Variants in PEBP4 observed in about 807,000 individuals in gnomAD.
PEBP4 encodes the protein phosphatidylethanolamine binding protein 4.
A neutral mutation model predicts 23.9 loss-of-function variants in PEBP4; 22 were observed. The ratio of observed to expected loss-of-function variants is 0.92; its 90% CI spans 0.66 to 1.31. The LOEUF (loss-of-function observed/expected upper bound fraction) is 1.31, where lower values mean the gene tolerates loss of function less well. Among genes scored for constraint, PEBP4 ranks in the 40% most tolerant of loss-of-function variants. The pLI, the probability that PEBP4 is intolerant of heterozygous loss-of-function variation, is 0.00. For missense variants in PEBP4, 324 were observed against 281.7 expected, an observed-to-expected ratio of 1.15 and a Z score of -1.07; for synonymous variants, 112 against 99.3, an observed-to-expected ratio of 1.13 and a Z score of -0.76.
chr8:22,933,658 C>A (rs939817854), intron 1 of PEBP4, among the ~76,000 whole-genome samples: 10 of 152,260 alleles, frequency 6.6e-5, no homozygotes, highest in South Asian at 2.1e-4. Context: ...CACTGCCCTG[C>A]AAGAAATGCT....
chr8:22,779,078 T>TGGGGGGGGGAAGGGGGGGGGGGGGGGGG (rs1805868673), intron 4 of PEBP4, among the ~76,000 whole-genome samples: 1 of 8,270 alleles, frequency 1.2e-4, no homozygotes, highest in South Asian at 6.0e-3. Context: ...GCGGGGGAGG[T>TGGGGGGGGGAAGGGGGGGGGGGGGGGGG]GGGGGAGGAG....
intron 3 of PEBP4, among the ~76,000 whole-genome samples, chr8:22,850,766 G>A (rs184463668): frequency 1.3e-5 from 2 of 152,344 alleles, no homozygotes; most frequent in East Asian, 3.9e-4. Flanking sequence ...TACGCAGGAA[G>A]ACTGCTGCAT....
At chr8:22,939,747 A>G (rs1313864226) in intron 1 of PEBP4, among the ~76,000 whole-genome samples, 1 of 151,866 alleles carries the variant, frequency 6.6e-6, no homozygotes, top group Non-Finnish European at 1.5e-5. Flanking sequence ...GAGTCAGGAG[A>G]GTGTCTGTGA....
At chr8:22,774,303 C>T (rs768045565) in intron 4 of PEBP4, among the ~76,000 whole-genome samples, 2 of 152,208 alleles carry the variant, frequency 1.3e-5, no homozygotes, top group African/African-American at 2.4e-5. Context: ...TCCCCATTCA[C>T]GCTAGGATGT....
chr8:22,912,117 G>T (rs970632200), intron 3 of PEBP4, among the ~76,000 whole-genome samples: 1 of 152,298 alleles, frequency 6.6e-6, no homozygotes, highest in African/African-American at 2.4e-5. Flanking sequence ...AGAAGGCCAC[G>T]AGGATAAGGA....
intron 3 of PEBP4, among the ~76,000 whole-genome samples, chr8:22,830,192 C>A (rs1029218683): frequency 6.8e-6 from 1 of 148,078 alleles, no homozygotes; most frequent in Non-Finnish European, 1.5e-5. Context: ...TGTAGTGGTG[C>A]GATTTCGGCT....
chr8:22,831,224 T>C (rs1326120709), intron 3 of PEBP4, among the ~76,000 whole-genome samples: 4 of 152,264 alleles, frequency 2.6e-5, no homozygotes, highest in Non-Finnish European at 5.9e-5. Flanking sequence ...TTCTAGATTA[T>C]GTTCCTTTGT....
rs111991348 is a variant in PEBP4 at position 22,726,263 on chromosome 8, C to T, written c.403+912G>A. Among the ~76,000 whole-genome samples, 546 of 152,304 alleles carry T rather than the reference C, an allele frequency of 3.6e-3. 5 individuals carry two copies. The highest frequency in any genetic ancestry group is 0.012 in the African/African-American group (515 of 41,574). On this transcript the variant is annotated intron_variant, in intron 5 of 6. Transcript: ENST00000256404. ...AGCACAGGTGGGTGCCAGGGAGTCT[C>T]CTCGTGTGCTTAGGTATGGAGGGCA...
chr8:22,876,276 C>T (rs561103576), intron 3 of PEBP4, among the ~76,000 whole-genome samples: 4 of 152,178 alleles, frequency 2.6e-5, no homozygotes, highest in East Asian at 1.9e-4. Flanking sequence ...ACGTACCATG[C>T]GTACAACGGT....
At chr8:22,858,210 G>A (rs999228007) in intron 3 of PEBP4, among the ~76,000 whole-genome samples, 7 of 152,044 alleles carry the variant, frequency 4.6e-5, no homozygotes, top group Admixed American at 6.5e-5. Context: ...GAAAGGAATC[G>A]TTCAGCTTCC....
At chr8:22,811,680 G>T (rs536653392) in intron 4 of PEBP4, among the ~76,000 whole-genome samples, 1 of 152,330 alleles carries the variant, frequency 6.6e-6, no homozygotes, top group East Asian at 1.9e-4. Context: ...GGTTCAGGAG[G>T]TCACAGGGGA....
chr8:22,749,326 C>T (rs1436907463), intron 4 of PEBP4, among the ~76,000 whole-genome samples: 1 of 152,180 alleles, frequency 6.6e-6, no homozygotes, highest in Non-Finnish European at 1.5e-5. Context: ...CTGTAGACCT[C>T]TCTGCAGCTC....
intron 3 of PEBP4, among the ~76,000 whole-genome samples, chr8:22,907,123 C>G (rs531253867): frequency 4.6e-5 from 7 of 152,202 alleles, no homozygotes; most frequent in South Asian, 4.1e-4. Flanking sequence ...CAGATACCAT[C>G]CTAGTGCAAA....
upstream of PEBP4, among the ~76,000 whole-genome samples, chr8:22,930,328 A>G (rs1809435249): frequency 6.6e-6 from 1 of 152,100 alleles, no homozygotes; most frequent in Non-Finnish European, 1.5e-5. Flanking sequence ...GGTCCATCAG[A>G]TTCCTGTTAT....
intron 4 of PEBP4, among the ~76,000 whole-genome samples, chr8:22,781,371 G>A (rs1487882179): frequency 1.3e-5 from 2 of 152,164 alleles, no homozygotes; most frequent in Admixed American, 1.3e-4. Flanking sequence ...GGAGGGACAC[G>A]GGGGTGGGCT....
At chr8:22,896,725 A>C (rs1428189201) in intron 3 of PEBP4, among the ~76,000 whole-genome samples, 4 of 152,164 alleles carry the variant, frequency 2.6e-5, no homozygotes, top group Non-Finnish European at 4.4e-5. Flanking sequence ...GTGACAACTT[A>C]TGATAAGGCA....
chr8:22,893,419 A>G (rs542405827), intron 3 of PEBP4, among the ~76,000 whole-genome samples: 1 of 152,240 alleles, frequency 6.6e-6, no homozygotes, highest in Non-Finnish European at 1.5e-5. Context: ...ATTACTAGAC[A>G]TGTAAAGAAG....
Position 22,727,353 on chromosome 8 carries a change from G to A in PEBP4, c.358-133C>T, listed in dbSNP as rs1196602813. ...AGGAGGATGGGAGAAGAAGTAGGAT[G>A]GGAGAGGAGGAAAATGGGAGAGCAG... On this transcript the variant is annotated intron_variant, in intron 4 of 6. Transcript: ENST00000256404. 2.0e-5 allele frequency: 17 copies of A among 850,212 alleles called. No individual in the cohort carries two copies. The Admixed American group carries it at 3.4e-4, about 17-fold the overall frequency. 52.7% of individuals were successfully genotyped at this position (850,212 alleles called of 1,614,324 possible).
intron 4 of PEBP4, among the ~76,000 whole-genome samples, chr8:22,761,880 CT>C (rs1199520119): frequency 6.6e-6 from 1 of 152,028 alleles, no homozygotes; most frequent in African/African-American, 2.4e-5. Flanking sequence ...TAGCACAATG[CT>C]TCTCATCTAA....
Sources: gnomAD v4.1 joint callset for allele counts (sites outside exome capture counted in the v4.1 genomes callset) on GRCh38, gnomAD v4.1.1 for gene constraint, MANE v1.5 for transcripts, NCBI Gene and HGNC (gene_info 2026-07-23, HGNC 2026-07-21) for gene names.